The following ANAPC4 variants were observed in gnomAD, a reference collection of about 807,000 sequenced individuals.
ANAPC4 encodes anaphase promoting complex subunit 4.
Under a neutral mutation model 119.8 loss-of-function variants are expected in ANAPC4, and 63 were observed. The ratio of observed to expected loss-of-function variants is 0.53; its 90% CI spans 0.43 to 0.65. The LOEUF (loss-of-function observed/expected upper bound fraction) is 0.65, where lower values mean the gene tolerates loss of function less well. Among genes scored for constraint, ANAPC4 ranks in the 30% least tolerant of loss-of-function variants. ANAPC4 has a pLI of 0.00. For synonymous variants in ANAPC4, 283 were observed against 318.6 expected (o/e 0.89, Z 1.19); for missense variants, 716 against 945.1 (o/e 0.76, Z 3.18).
At chr4:25,394,744 G>T in intron 13 of ANAPC4, 31 bp downstream of exon 13, 1 of 1,601,182 alleles carries the variant, frequency 6.2e-7, no homozygotes, top group Non-Finnish European at 8.5e-7. Flanking sequence ...TATTCAAATG[G>T]CTATGAACAC....
intron 14 of ANAPC4, 43 bp from the exon 15 acceptor site, chr4:25,396,618 TTGA>T (rs770543473): frequency 7.2e-6 from 10 of 1,384,122 alleles, no homozygotes; most frequent in Admixed American, 2.2e-5. Context: ...AGTTAGTCAC[TTGA>T]TGATCGTCAT....
chr4:25,404,566 A>G (rs959812152), intron 17 of ANAPC4, among the ~76,000 whole-genome samples: 5 of 152,142 alleles, frequency 3.3e-5, no homozygotes, highest in African/African-American at 7.2e-5. Context: ...TCCTTACTAC[A>G]TATTCTAACT....
intron 8 of ANAPC4, 111 bp downstream of exon 8, chr4:25,390,331 A>G (rs1430495277): frequency 1.4e-6 from 1 of 691,340 alleles, no homozygotes; most frequent in Non-Finnish European, 2.3e-6. Context: ...GATTTTTGGA[A>G]TTATTCTTAA....
chr4:25,399,536 A>G (rs1003114566), intron 16 of ANAPC4, among the ~76,000 whole-genome samples: 2 of 152,036 alleles, frequency 1.3e-5, no homozygotes, highest in Non-Finnish European at 2.9e-5. Flanking sequence ...CCTGGCCAGA[A>G]ATACTACATA....
intron 4 of ANAPC4, among the ~76,000 whole-genome samples, chr4:25,388,039 T>A (rs1445508052): frequency 6.6e-6 from 1 of 152,068 alleles, no homozygotes; most frequent in Non-Finnish European, 1.5e-5. Flanking sequence ...TGGGGCAGGA[T>A]GATGGCTTTA....
chr4:25,394,982 T>G, intron 14 of ANAPC4, 77 bp downstream of exon 14: 1 of 1,131,874 alleles, frequency 8.8e-7, no homozygotes, highest in East Asian at 2.4e-5. Context: ...CCGCCTTTTC[T>G]TCATCTGGCA....
intron 8 of ANAPC4, 100 bp downstream of exon 8, chr4:25,390,320 C>A: frequency 3.9e-6 from 3 of 762,236 alleles, no homozygotes; most frequent in South Asian, 2.3e-5. Flanking sequence ...TTTTCAGTTT[C>A]GATTTTTGGA....
chr4:25,418,024 A>T, intron 28 of ANAPC4, 131 bp from the exon 29 acceptor site: 1 of 971,518 alleles, frequency 1.0e-6, no homozygotes, highest in Non-Finnish European at 1.5e-6. Flanking sequence ...GAATTTATTG[A>T]TTTTGTTGTA....
chr4:25,384,241 T>A (rs1321904814), intron 4 of ANAPC4, among the ~76,000 whole-genome samples: 3 of 152,212 alleles, frequency 2.0e-5, no homozygotes, highest in African/African-American at 7.2e-5. Context: ...TTCAGTCCCA[T>A]CTTCAGGCTC....
At chr4:25,381,305 C>T (rs552087498) in intron 3 of ANAPC4, among the ~76,000 whole-genome samples, 2 of 152,166 alleles carry the variant, frequency 1.3e-5, no homozygotes, top group Admixed American at 1.3e-4. Flanking sequence ...CTTTTCCCCC[C>T]CAGACAGTGT....
chr4:25,408,934 A>G (rs1230949096), intron 20 of ANAPC4, among the ~76,000 whole-genome samples: 1 of 152,198 alleles, frequency 6.6e-6, no homozygotes, highest in Non-Finnish European at 1.5e-5. Flanking sequence ...AAATAAAGTT[A>G]ATAATTTAAT....
At position 25,388,752 on chromosome 4, in the gene ANAPC4, C is replaced by T. The variant is rs761186712; in HGVS notation, c.470+9C>T. ...ACCTCAAAAATATTTAGGTAAGATA[C>T]GCCTTTTCTTGTTTTCAAGTAAGAT... is the stretch of plus-strand genomic sequence containing the variant. On this transcript the variant is annotated intron_variant, in intron 6 of 28. Transcript: ENST00000315368. 91 of 1,608,250 alleles carry T rather than the reference C, an allele frequency of 5.7e-5. No individual in the cohort carries two copies. The South Asian group carries it at 6.5e-4, about 11-fold the overall frequency.
intron 17 of ANAPC4, among the ~76,000 whole-genome samples, chr4:25,404,978 G>A (rs1020463948): frequency 4.0e-5 from 6 of 151,720 alleles, no homozygotes; most frequent in African/African-American, 1.5e-4. Context: ...CTGACCAAAT[G>A]CAATTAAGAA....
chr4:25,410,878 T>C (rs764394922), intron 21 of ANAPC4, among the ~76,000 whole-genome samples: 1 of 152,168 alleles, frequency 6.6e-6, no homozygotes, highest in Non-Finnish European at 1.5e-5. Flanking sequence ...GATATCTCAT[T>C]ATGTATATGC....
At chr4:25,393,928 G>A in intron 11 of ANAPC4, 37 bp downstream of exon 11, 1 of 1,504,676 alleles carries the variant, frequency 6.6e-7, no homozygotes, top group Non-Finnish European at 9.1e-7. Context: ...GAGAGTTAAA[G>A]AATGCATGAT....
chr4:25,388,429 T>C, intron 4 of ANAPC4, 71 bp from the exon 5 acceptor site: 2 of 1,045,030 alleles, frequency 1.9e-6, no homozygotes, highest in East Asian at 4.8e-5. Context: ...TTTTTAAAAA[T>C]TAGCATTTTT....
At chr4:25,395,642 G>T (rs1308905597) in intron 14 of ANAPC4, among the ~76,000 whole-genome samples, 1 of 152,074 alleles carries the variant, frequency 6.6e-6, no homozygotes, top group Non-Finnish European at 1.5e-5. Flanking sequence ...TAGAGACGGG[G>T]TTTCACCGTG....
intron 9 of ANAPC4, among the ~76,000 whole-genome samples, chr4:25,392,017 C>T (rs1722373566): frequency 6.6e-6 from 1 of 152,188 alleles, no homozygotes; most frequent in African/African-American, 2.4e-5. Flanking sequence ...TATCAGTAGC[C>T]TTTAATTCCT....
In ANAPC4 at chr4:25,388,692, T is replaced by TA. The variant is rs1448010548; in HGVS notation, c.444-24dup. 5.6e-6 allele frequency: 9 copies of TA among 1,594,202 alleles called. No homozygotes were observed. In the East Asian group the frequency reaches 1.1e-4, roughly 20 times the overall value. The stretch of plus-strand genomic sequence containing the variant: ...ATGTATTTTTACTAAGAGTATTTTT[T>TA]ACCTTAATCTCTGTTTCCTTCTAGC... On this transcript the variant is annotated intron_variant, in intron 5 of 28. Coordinates refer to ENST00000315368, the MANE Select transcript of ANAPC4 (RefSeq NM_013367.3).
Sources: gnomAD v4.1 joint callset for allele counts (sites outside exome capture counted in the v4.1 genomes callset) on GRCh38, gnomAD v4.1.1 for gene constraint, MANE v1.5 for transcripts, NCBI Gene and HGNC (gene_info 2026-07-23, HGNC 2026-07-21) for gene names.